PEAK1: variants seen among roughly 807,000 people sequenced by gnomAD.
The protein encoded by PEAK1 is pseudopodium enriched atypical kinase 1, also known as inactive tyrosine-protein kinase PEAK1.
In PEAK1, 54 loss-of-function variants were observed where a neutral mutation model predicts 124.7. The ratio of observed to expected loss-of-function variants is 0.43; its 90% confidence interval spans 0.35 to 0.54. The LOEUF (loss-of-function observed/expected upper bound fraction) is 0.54, where lower values mean the gene tolerates loss of function less well. Ranked by LOEUF, PEAK1 falls within the 20% of genes least tolerant of loss-of-function variation. The pLI, the probability that PEAK1 is intolerant of heterozygous loss-of-function variation, is 0.01. For missense variants in PEAK1, 2,046 were observed against 2,134.5 expected (o/e 0.96, Z 0.82); for synonymous variants, 719 against 760.0 (o/e 0.95, Z 0.89).
chr15:77,349,740 T>C lies in PEAK1; in HGVS notation c.-603+15423A>G, dbSNP rs943413680. 9 of 985,160 alleles carry C rather than the reference T, an allele frequency of 9.1e-6. No individual in the cohort carries two copies. The Admixed American group carries it at 3.1e-4, about 34-fold the overall frequency. The allele number at this position is 985,160 out of a possible 1,614,324, so 61.0% of individuals were successfully genotyped here. A position where few individuals can be genotyped will look rare whatever the true frequency, so the allele number is the denominator to read the frequency against. ...CTTCTATAAGTAGGTCAATCATTCT[T>C]AGACTTAAGTTGAGATGATTCACTT... is the stretch of plus-strand genomic sequence containing the variant. On this transcript the variant is annotated intron_variant, in intron 2 of 9. Transcript: ENST00000682557.
intron 2 of PEAK1, among the ~76,000 whole-genome samples, chr15:77,315,960 T>C (rs539671698): frequency 3.9e-5 from 6 of 152,286 alleles, no homozygotes; most frequent in Non-Finnish European, 8.8e-5. Context: ...ATAATATCAA[T>C]ATTGGTTTAT....
chr15:77,162,698 TTCTC>T (rs891230412), intron 7 of PEAK1, among the ~76,000 whole-genome samples: 1 of 152,140 alleles, frequency 6.6e-6, no homozygotes, highest in African/African-American at 2.4e-5. Context: ...TGGGTACTGT[TTCTC>T]TATTGCTTTG....
chr15:77,128,206 G>T (rs2052555535), intron 9 of PEAK1, among the ~76,000 whole-genome samples: 2 of 152,108 alleles, frequency 1.3e-5, no homozygotes, highest in Admixed American at 6.5e-5. Context: ...ACAAGTCAGG[G>T]ATAATAATGG....
chr15:77,419,631 A>G, intron 1 of PEAK1: 1 of 984,904 alleles, frequency 1.0e-6, no homozygotes, highest in Non-Finnish European at 1.2e-6. Flanking sequence ...CAGCTCCTCC[A>G]GGCTTCACTT....
chr15:77,403,848 T>C lies in PEAK1; in HGVS notation c.-666+16158A>G, dbSNP rs2071578473. 9 of 984,738 alleles carry C rather than the reference T, an allele frequency of 9.1e-6. No individual in the cohort carries two copies. The Admixed American group carries it at 3.7e-4, about 40-fold the overall frequency. The allele number at this position is 984,738 out of a possible 1,614,324, so 61.0% of individuals were successfully genotyped here. A position where few individuals can be genotyped will look rare whatever the true frequency, so the allele number is the denominator to read the frequency against. ...AATATATCCCTAACCTTTATGCCCA[T>C]GCCACATATTTATTACAATGCCACA... is the stretch of plus-strand genomic sequence containing the variant. On this transcript the variant is annotated intron_variant, in intron 1 of 9. Transcript: ENST00000682557.
intron 1 of PEAK1, among the ~76,000 whole-genome samples, chr15:77,373,774 T>C (rs1008676394): frequency 6.6e-6 from 1 of 152,220 alleles, no homozygotes; most frequent in African/African-American, 2.4e-5. Flanking sequence ...CACAGGACAC[T>C]GCCTAGCTTA....
rs368776278 is a variant in PEAK1 at position 77,267,292 on chromosome 15, G to A, written c.-274-14766C>T. Among the ~76,000 whole-genome samples, 59 of 152,180 alleles carry A rather than the reference G, an allele frequency of 3.9e-4. 1 individual carries two copies. The East Asian group carries it at 7.7e-3, about 20-fold the overall frequency. On this transcript the variant is annotated intron_variant, in intron 5 of 9. Coordinates refer to ENST00000682557, the MANE Select transcript of PEAK1 (RefSeq NM_001385026.1). ...GATGGTCCTGCTGGTAGCTGAAGAC[G>A]AAGGATATAGCCTCTTGAGAGGTCT...
intron 2 of PEAK1, among the ~76,000 whole-genome samples, chr15:77,319,724 T>C (rs2065080940): frequency 2.0e-5 from 3 of 152,182 alleles, no homozygotes; most frequent in Admixed American, 6.5e-5. Flanking sequence ...TTGTGCACCA[T>C]CAATCCCTCT....
At chr15:77,272,380 A>G (rs1341906762) in intron 5 of PEAK1, among the ~76,000 whole-genome samples, 1 of 152,238 alleles carries the variant, frequency 6.6e-6, no homozygotes, top group Non-Finnish European at 1.5e-5. Flanking sequence ...TTAACCAAGA[A>G]AGAAGAGAGA....
At chr15:77,359,593 A>G (rs1343178620) in intron 2 of PEAK1, among the ~76,000 whole-genome samples, 1 of 152,172 alleles carries the variant, frequency 6.6e-6, no homozygotes, top group Non-Finnish European at 1.5e-5. Context: ...CAATTAACAA[A>G]TAAGTTCAGC....
intron 2 of PEAK1, among the ~76,000 whole-genome samples, chr15:77,306,033 C>T (rs2064083777): frequency 6.6e-6 from 1 of 152,254 alleles, no homozygotes; most frequent in East Asian, 1.9e-4. Context: ...GCAAGAATTT[C>T]AGAACATGAA....
At chr15:77,224,973 T>G (rs2059565187) in intron 6 of PEAK1, among the ~76,000 whole-genome samples, 1 of 152,120 alleles carries the variant, frequency 6.6e-6, no homozygotes, top group East Asian at 1.9e-4. Context: ...TCCCACTCCA[T>G]CCATATGCAA....
In PEAK1 at chr15:77,247,485, C is replaced by CTTTTTTTTTTTT. The variant is rs398028029; in HGVS notation, c.-115+4870_-115+4881dup. 7.0e-3 allele frequency among the ~76,000 whole-genome samples: 590 copies of CTTTTTTTTTTTT among 84,306 alleles called. 5 individuals are homozygous for CTTTTTTTTTTTT. The highest frequency in any genetic ancestry group is 0.032 in the Middle Eastern group (3 of 94). The allele number at this position is 84,306 out of a possible 152,430, so 55.3% of individuals were successfully genotyped here. ...TTTTTTCTCTTTTTTCTTTTCTTTT[C>CTTTTTTTTTTTT]TTTTTTTTTTTTTTTTTTTTTGAGA... is the stretch of plus-strand genomic sequence containing the variant. On this transcript the variant is annotated intron_variant, in intron 6 of 9. Coordinates refer to ENST00000682557, the MANE Select transcript of PEAK1 (RefSeq NM_001385026.1).
chr15:77,288,105 G>C (rs1017747861), intron 2 of PEAK1, among the ~76,000 whole-genome samples: 1 of 151,988 alleles, frequency 6.6e-6, no homozygotes, highest in African/African-American at 2.4e-5. Flanking sequence ...GCCACATCAA[G>C]CACTATATCA....
At chr15:77,224,913 G>A (rs1004940312) in intron 6 of PEAK1, among the ~76,000 whole-genome samples, 4 of 151,664 alleles carry the variant, frequency 2.6e-5, no homozygotes, top group Admixed American at 6.6e-5. Context: ...CACCTTTCAC[G>A]TCTAGTTTGT....
At chr15:77,186,193 C>G (rs1360285850) in intron 6 of PEAK1, among the ~76,000 whole-genome samples, 1 of 152,164 alleles carries the variant, frequency 6.6e-6, no homozygotes, top group East Asian at 1.9e-4. Flanking sequence ...GTGTACTTAG[C>G]ACTATGCAGC....
At chr15:77,241,696 A>C (rs192118753) in intron 6 of PEAK1, among the ~76,000 whole-genome samples, 1 of 152,154 alleles carries the variant, frequency 6.6e-6, no homozygotes, top group Admixed American at 6.5e-5. Context: ...AGAAACCAAA[A>C]TTAAAAAAAA....
In PEAK1 at chr15:77,260,810, G is replaced by A. The variant is rs141692731; in HGVS notation, c.-274-8284C>T. Among the ~76,000 whole-genome samples the A allele has an allele frequency of 7.4e-3, 1,130 of 152,224 alleles. 15 individuals carry two copies. The highest frequency in any genetic ancestry group is 0.026 in the African/African-American group (1,070 of 41,542). ...AGCACGCAGCTTGAGATCTGAGAAC[G>A]GACAGACTGCCTCGTCAAGTGGCTC... is the stretch of plus-strand genomic sequence containing the variant. On this transcript the variant is annotated intron_variant, in intron 5 of 9. Transcript: ENST00000682557.
At chr15:77,244,662 C>T (rs2060500619) in intron 6 of PEAK1, among the ~76,000 whole-genome samples, 2 of 152,040 alleles carry the variant, frequency 1.3e-5, no homozygotes, top group African/African-American at 2.4e-5. Context: ...AATCTCGGCT[C>T]GCTGCAGCCT....
Sources: gnomAD v4.1 joint callset for allele counts (sites outside exome capture counted in the v4.1 genomes callset) on GRCh38, gnomAD v4.1.1 for gene constraint, MANE v1.5 for transcripts, NCBI Gene and HGNC (gene_info 2026-07-23, HGNC 2026-07-21) for gene names.